IGF1R: variants seen among roughly 807,000 people sequenced by gnomAD.
IGF1R encodes the protein insulin like growth factor 1 receptor.
Under a neutral mutation model 144.6 loss-of-function variants are expected in IGF1R, and 44 were observed. The observed-to-expected ratio is 0.30, with a 90% CI of 0.24 to 0.39. The LOEUF (loss-of-function observed/expected upper bound fraction) is 0.39. Among genes scored for constraint, IGF1R ranks in the 10% least tolerant of loss-of-function variants. The pLI, the probability that IGF1R is intolerant of heterozygous loss-of-function variation, is 1.00. For synonymous variants in IGF1R, 795 were observed against 722.8 expected (o/e 1.10, Z -1.60); for missense variants, 1,355 against 1,833.7 (o/e 0.74, Z 4.77).
At chr15:98,948,006 C>G (rs1169396714) in intron 19 of IGF1R, among the ~76,000 whole-genome samples, 1 of 152,172 alleles carries the variant, frequency 6.6e-6, no homozygotes, top group African/African-American at 2.4e-5. Flanking sequence ...GTGCCCAGCC[C>G]TCTGTTTAAA....
chr15:98,799,813 C>T (rs565615360), intron 2 of IGF1R, among the ~76,000 whole-genome samples: 43 of 152,228 alleles, frequency 2.8e-4, no homozygotes, highest in Middle Eastern at 3.4e-3. Context: ...CACCTGCCCC[C>T]CTTCAAGGTT....
intron 3 of IGF1R, among the ~76,000 whole-genome samples, chr15:98,895,229 C>CAG (rs1375983475): frequency 1.7e-4 from 6 of 35,450 alleles, no homozygotes; most frequent in African/African-American, 5.6e-4. Flanking sequence ...GCACCACACA[C>CAG]ACACACACAC....
rs34102392 is a variant in IGF1R at position 98,957,350 on chromosome 15, G to C, written c.4012G>C (p.Ala1338Pro). The C allele has an allele frequency of 6.2e-7, 1 of 1,612,008 alleles. No homozygotes were observed. Among genetic ancestry groups the C allele is most frequent in the Non-Finnish European group, 8.5e-7 (1 of 1,178,686 alleles). Residue 1338 changes from alanine to proline, a missense_variant, in exon 21 of 21, where the codon GCC becomes CCC. Physicochemically the swap from Ala to Pro is conservative, Grantham distance 27. Coordinates refer to ENST00000650285, the MANE Select transcript of IGF1R (RefSeq NM_000875.5). ...CGGCCCTGGGGTGCTGGTCCTCCGCGCCAGCTTCGACGAGAGACAGCCTTA... is the reference window on the plus strand; with the variant it reads ...CGGCCCTGGGGTGCTGGTCCTCCGCCCCAGCTTCGACGAGAGACAGCCTTA... ...GPGPGVLVLR[A>P]SFDERQPYAH...
intron 2 of IGF1R, among the ~76,000 whole-genome samples, chr15:98,866,434 TAGAG>T (rs2012452482): frequency 6.6e-6 from 1 of 152,166 alleles, no homozygotes; most frequent in African/African-American, 2.4e-5. Context: ...CCTCTGCAAA[TAGAG>T]GGAATTTATT....
At chr15:98,898,944 A>T (rs956765500) in intron 4 of IGF1R, among the ~76,000 whole-genome samples, 3 of 152,254 alleles carry the variant, frequency 2.0e-5, no homozygotes, top group Non-Finnish European at 2.9e-5. Flanking sequence ...GCAGAAATGA[A>T]TTTTTAAAAA....
At chr15:98,702,412 G>A (rs796085065) in intron 1 of IGF1R, among the ~76,000 whole-genome samples, 4 of 152,302 alleles carry the variant, frequency 2.6e-5, no homozygotes, top group African/African-American at 9.6e-5. Flanking sequence ...GTGCAGTGGT[G>A]TGATCTTGAC....
intron 10 of IGF1R, 145 bp downstream of exon 10, chr15:98,917,021 G>T (rs2015284811): frequency 1.3e-6 from 1 of 760,666 alleles, no homozygotes; most frequent in African/African-American, 1.7e-5. Context: ...AAAGATGACA[G>T]GTTCGGTGAA....
intron 1 of IGF1R, among the ~76,000 whole-genome samples, chr15:98,666,105 A>G (rs2052731234): frequency 6.6e-6 from 1 of 152,238 alleles, no homozygotes; most frequent in Non-Finnish European, 1.5e-5. Flanking sequence ...TGAGGCAAAT[A>G]GGCACATGAA....
chr15:98,828,971 C>T (rs1468107975), intron 2 of IGF1R, among the ~76,000 whole-genome samples: 4 of 151,974 alleles, frequency 2.6e-5, no homozygotes, highest in South Asian at 2.1e-4. Context: ...TCAAGCCCTC[C>T]GAAGCACTCA....
chr15:98,746,502 G>T (rs1318983572), intron 2 of IGF1R, among the ~76,000 whole-genome samples: 1 of 152,114 alleles, frequency 6.6e-6, no homozygotes, highest in African/African-American at 2.4e-5. Flanking sequence ...TACACTGTCA[G>T]GGCGCCTCTC....
Position 98,871,477 on chromosome 15 carries a change from C to G in IGF1R, c.641-19848C>G, listed in dbSNP as rs565747772. Among the ~76,000 whole-genome samples the G allele has an allele frequency of 2.4e-4, 36 of 152,310 alleles. 2 individuals carry two copies. The South Asian group carries it at 7.0e-3, about 30-fold the overall frequency. Reference sequence around the variant, plus strand: ...CACAGAGGAAGGAGCTTCTGGATCCCTTTGCTACGTCCAGAGAGTTTTCAT... The same window carrying G: ...CACAGAGGAAGGAGCTTCTGGATCCGTTTGCTACGTCCAGAGAGTTTTCAT... On this transcript the variant is annotated intron_variant, in intron 2 of 20. Transcript: ENST00000650285.
chr15:98,745,254 C>T (rs1306062978), intron 2 of IGF1R, among the ~76,000 whole-genome samples: 1 of 152,204 alleles, frequency 6.6e-6, no homozygotes, highest in East Asian at 1.9e-4. Context: ...CTTGATATTA[C>T]AAAATGATGG....
intron 2 of IGF1R, among the ~76,000 whole-genome samples, chr15:98,740,367 C>T (rs866949330): frequency 6.6e-6 from 1 of 152,076 alleles, no homozygotes; most frequent in Non-Finnish European, 1.5e-5. Flanking sequence ...AGAGTAAATG[C>T]AGGCTGAAAA....
rs892878386 is a variant in IGF1R at position 98,896,912 on chromosome 15, A to G, written c.1102+7A>G. 1.2e-6 allele frequency: 2 copies of G among 1,613,788 alleles called. No homozygotes were observed. Among genetic ancestry groups the G allele is most frequent in the African/African-American group, 1.3e-5 (1 of 74,932 alleles). ...ATTAACATCCGACGGGGGAGTAAGT[A>G]TTCCATCCCCCTGGAAAAACGGCTA... On this transcript the variant is annotated splice_region_variant and intron_variant, in intron 4 of 20. Coordinates refer to ENST00000650285, the MANE Select transcript of IGF1R (RefSeq NM_000875.5).
intron 2 of IGF1R, among the ~76,000 whole-genome samples, chr15:98,818,188 C>T (rs2056734315): frequency 6.6e-6 from 1 of 152,108 alleles, no homozygotes; most frequent in African/African-American, 2.4e-5. Context: ...GTTAGGGTTC[C>T]TACATATGAA....
intron 2 of IGF1R, among the ~76,000 whole-genome samples, chr15:98,876,827 G>A (rs2013086335): frequency 6.6e-6 from 1 of 152,178 alleles, no homozygotes; most frequent in Non-Finnish European, 1.5e-5. Context: ...GATTATCTGG[G>A]ATACTCTGTT....
chr15:98,651,239 C>T (rs1240836715), intron 1 of IGF1R, among the ~76,000 whole-genome samples: 1 of 152,182 alleles, frequency 6.6e-6, no homozygotes, highest in South Asian at 2.1e-4. Flanking sequence ...TAAACAAATC[C>T]TTAAACGTCT....
At chr15:98,676,754 C>T (rs1250939503) in intron 1 of IGF1R, among the ~76,000 whole-genome samples, 1 of 152,122 alleles carries the variant, frequency 6.6e-6, no homozygotes, top group East Asian at 1.9e-4. Context: ...AAGGACATTT[C>T]GTGTTTCTCC....
intron 1 of IGF1R, among the ~76,000 whole-genome samples, chr15:98,690,340 C>CAAAACA (rs1161612970): frequency 2.0e-5 from 3 of 152,094 alleles, no homozygotes; most frequent in Admixed American, 6.5e-5. Flanking sequence ...AAGACTATCC[C>CAAAACA]AAAACAAAAA....
Sources: allele counts gnomAD v4.1 joint callset (sites outside exome capture counted in the v4.1 genomes callset), GRCh38; gene constraint gnomAD v4.1.1; transcripts MANE v1.5; gene names NCBI Gene and HGNC (gene_info 2026-07-23, HGNC 2026-07-21).